The following CCDC102B variants were observed in gnomAD, a reference collection of about 807,000 sequenced individuals.
CCDC102B encodes coiled-coil domain-containing protein 102B.
A neutral mutation model predicts 57.4 loss-of-function variants in CCDC102B; 75 were observed. The observed-to-expected ratio is 1.31, with a 90% CI of 1.08 to 1.58. CCDC102B has a LOEUF of 1.58. Ranked by LOEUF, CCDC102B falls within the 40% of genes most tolerant of loss-of-function variation. The pLI, the probability that CCDC102B is intolerant of heterozygous loss-of-function variation, is 0.00. For synonymous variants in CCDC102B, 206 were observed against 201.9 expected (o/e 1.02, Z -0.17); for missense variants, 636 against 582.6 (o/e 1.09, Z -0.94).
At chr18:68,963,763 T>C (rs2050102759) in intron 6 of CCDC102B, among the ~76,000 whole-genome samples, 1 of 151,894 alleles carries the variant, frequency 6.6e-6, no homozygotes, top group Non-Finnish European at 1.5e-5. Context: ...TTGTATCCAA[T>C]GGTTTACTCC....
chr18:68,944,687 T>C (rs1246314883), intron 6 of CCDC102B, among the ~76,000 whole-genome samples: 2 of 151,886 alleles, frequency 1.3e-5, no homozygotes, highest in Admixed American at 1.3e-4. Flanking sequence ...ATTCAAGTCA[T>C]AGCAAATAAT....
At chr18:68,879,769 T>C (rs2039607217) in intron 5 of CCDC102B, among the ~76,000 whole-genome samples, 4 of 152,080 alleles carry the variant, frequency 2.6e-5, no homozygotes, top group South Asian at 4.1e-4. Flanking sequence ...ATACAGAGTG[T>C]CGATTGGTGC....
At chr18:68,906,744 A>G (rs933392249) in intron 6 of CCDC102B, among the ~76,000 whole-genome samples, 11 of 151,940 alleles carry the variant, frequency 7.2e-5, no homozygotes, top group African/African-American at 2.4e-4. Flanking sequence ...CTCTACTCAT[A>G]TGTATGAAAT....
chr18:68,923,183 A>G (rs1646841834), intron 6 of CCDC102B, among the ~76,000 whole-genome samples: 1 of 151,566 alleles, frequency 6.6e-6, no homozygotes, highest in South Asian at 2.1e-4. Flanking sequence ...TTTTTTTACC[A>G]TTCTGTCCTG....
chr18:68,970,722 A>G (rs2050279900), intron 6 of CCDC102B, among the ~76,000 whole-genome samples: 1 of 152,034 alleles, frequency 6.6e-6, no homozygotes, highest in Non-Finnish European at 1.5e-5. Flanking sequence ...TCTGAATGCA[A>G]TATGCTTTAT....
intron 1 of CCDC102B, among the ~76,000 whole-genome samples, chr18:68,799,152 T>C (rs2035750305): frequency 6.6e-6 from 1 of 152,100 alleles, no homozygotes; most frequent in Non-Finnish European, 1.5e-5. Context: ...AATAAATATT[T>C]TTATATATCC....
chr18:68,815,072 A>G (rs1442051633), intron 1 of CCDC102B, among the ~76,000 whole-genome samples: 3 of 152,132 alleles, frequency 2.0e-5, no homozygotes, highest in African/African-American at 4.8e-5. Context: ...TATTTTATAT[A>G]TTTCATGTAA....
At chr18:68,983,760 C>A (rs1403057105) in intron 6 of CCDC102B, among the ~76,000 whole-genome samples, 1 of 151,902 alleles carries the variant, frequency 6.6e-6, no homozygotes, top group African/African-American at 2.4e-5. Flanking sequence ...TTAAATTTAT[C>A]TCATATTTAC....
upstream of CCDC102B, among the ~76,000 whole-genome samples, chr18:68,797,885 A>C (rs2035688589): frequency 6.6e-6 from 1 of 151,820 alleles, no homozygotes; most frequent in African/African-American, 2.4e-5. Context: ...TCCACAGTAC[A>C]GGTTTCAAAT....
intron 6 of CCDC102B, among the ~76,000 whole-genome samples, chr18:68,993,798 C>T (rs948054005): frequency 7.2e-5 from 11 of 152,152 alleles, no homozygotes; most frequent in South Asian, 2.1e-4. Flanking sequence ...TAAATTTCTC[C>T]GGGTTCTATT....
chr18:68,856,581 G>A (rs1362337660), intron 4 of CCDC102B, among the ~76,000 whole-genome samples: 1 of 152,198 alleles, frequency 6.6e-6, no homozygotes, highest in Non-Finnish European at 1.5e-5. Flanking sequence ...TTAAGGGTGT[G>A]AGCCACTGTG....
intron 4 of CCDC102B, among the ~76,000 whole-genome samples, chr18:68,848,620 G>A (rs1307418441): frequency 1.3e-5 from 2 of 151,944 alleles, no homozygotes; most frequent in African/African-American, 2.4e-5. Context: ...GCATAGTAGA[G>A]GTAATTATAT....
rs372142215 is a variant in CCDC102B, at chr18:68,908,802, G to A, written c.1263+11374G>A. Among the ~76,000 whole-genome samples, 16 of 152,000 alleles carry A rather than the reference G, an allele frequency of 1.1e-4. 1 individual carries two copies. In the East Asian group the frequency reaches 1.4e-3, roughly 13 times the overall value. On this transcript the variant is annotated intron_variant, in intron 6 of 7. Coordinates refer to ENST00000360242, the MANE Select transcript of CCDC102B (RefSeq NM_024781.3). ...TAAAATTTAGCATTGGATAATATAC[G>A]TGTGTACATATATATTGGTTACTTA... is the stretch of plus-strand genomic sequence containing the variant.
At chr18:68,755,110 G>A (rs1599413439) in intron 2 of CCDC102B, 1 of 152,126 alleles carries the variant, frequency 6.6e-6, no homozygotes, top group Non-Finnish European at 1.5e-5. Context: ...TGGATTTATT[G>A]GAAAATGCAA....
chr18:68,930,713 G>A (rs1375257893), intron 6 of CCDC102B, among the ~76,000 whole-genome samples: 1 of 151,912 alleles, frequency 6.6e-6, no homozygotes, highest in African/African-American at 2.4e-5. Context: ...TGTGAGCACT[G>A]ATTGAAAGAT....
At chr18:68,928,430 A>G (rs2041552018) in intron 6 of CCDC102B, among the ~76,000 whole-genome samples, 1 of 151,954 alleles carries the variant, frequency 6.6e-6, no homozygotes, top group South Asian at 2.1e-4. Flanking sequence ...GAGGATCATC[A>G]AAAGGAAAAG....
intron 3 of CCDC102B, among the ~76,000 whole-genome samples, chr18:68,841,752 T>C (rs1292266045): frequency 6.6e-6 from 1 of 152,160 alleles, no homozygotes; most frequent in East Asian, 1.9e-4. Context: ...CTTTACTTTT[T>C]GAGACAGTCT....
chr18:68,929,489 G>A (rs187208606), intron 6 of CCDC102B, among the ~76,000 whole-genome samples: 191 of 152,022 alleles, frequency 1.3e-3, no homozygotes, highest in African/African-American at 4.4e-3. Context: ...CTGGGTTCTC[G>A]AAGCTTCAGT....
upstream of CCDC102B, among the ~76,000 whole-genome samples, chr18:68,795,784 A>G (rs1048371280): frequency 4.6e-5 from 7 of 152,184 alleles, no homozygotes; most frequent in Non-Finnish European, 1.5e-5. Flanking sequence ...GGATTTCAAT[A>G]TATCTTCTTA....
Sources: allele counts gnomAD v4.1 joint callset (sites outside exome capture counted in the v4.1 genomes callset), GRCh38; gene constraint gnomAD v4.1.1; transcripts MANE v1.5; gene names NCBI Gene and HGNC (gene_info 2026-07-23, HGNC 2026-07-21).